The following IGSF10 variants were observed in gnomAD, a reference collection of about 807,000 sequenced individuals.
IGSF10 encodes immunoglobulin superfamily member 10, also known as calvaria mechanical force protein 608.
IGSF10 carries 126 observed loss-of-function variants against 128.2 expected under a neutral mutation model. That is an observed-to-expected ratio of 0.98 (90% CI 0.85 to 1.14). The LOEUF (loss-of-function observed/expected upper bound fraction) is 1.14. IGSF10 is among the 50% of genes most tolerant of loss of function. IGSF10 has a pLI of 0.00. For missense variants in IGSF10, 3,295 were observed against 3,149.8 expected (o/e 1.05, Z -1.10); for synonymous variants, 1,185 against 1,146.2 (o/e 1.03, Z -0.68).
At chr3:151,560,709 C>CA in the IGSF10 span, among the ~76,000 whole-genome samples, 31 of 151,430 alleles carry the variant, frequency 2.0e-4, no homozygotes, top group Middle Eastern at 3.4e-3. Context: ...ATAGCCCCCC[C>CA]CTCCGTCCCA....
At chr3:151,527,214 A>T in the IGSF10 span, among the ~76,000 whole-genome samples, 15 of 152,328 alleles carry the variant, frequency 9.8e-5, no homozygotes, top group African/African-American at 2.6e-4. Context: ...TCTGGAAAAT[A>T]GGAAGATTTT....
the IGSF10 span, among the ~76,000 whole-genome samples, chr3:151,527,261 C>T: frequency 2.6e-5 from 4 of 152,166 alleles, no homozygotes; most frequent in East Asian, 3.9e-4. Context: ...ACCACACCAG[C>T]GGGAGCTGGA....
chr3:151,501,033 C>T, the IGSF10 span, among the ~76,000 whole-genome samples: 1 of 151,900 alleles, frequency 6.6e-6, no homozygotes, highest in Admixed American at 6.6e-5. Context: ...TGAAGAGGGA[C>T]AACTCAAAAA....
At chr3:151,581,344 C>T in the IGSF10 span, among the ~76,000 whole-genome samples, 3 of 152,194 alleles carry the variant, frequency 2.0e-5, no homozygotes, top group African/African-American at 7.2e-5. Flanking sequence ...TTATAACCTG[C>T]AGTGATCTTG....
At chr3:151,466,866 A>G in the IGSF10 span, among the ~76,000 whole-genome samples, 2 of 152,208 alleles carry the variant, frequency 1.3e-5, no homozygotes, top group Non-Finnish European at 2.9e-5. Flanking sequence ...GTAGTGAGCC[A>G]TTATGCCTGG....
chr3:151,555,126 C>T, the IGSF10 span, among the ~76,000 whole-genome samples: 1 of 152,100 alleles, frequency 6.6e-6, no homozygotes, highest in Non-Finnish European at 1.5e-5. Flanking sequence ...ACTGCCATAG[C>T]AAACTGGAAA....
At chr3:151,461,108 G>C (rs945123546), upstream of IGSF10, 4 of 985,296 alleles carry the variant, frequency 4.1e-6, no homozygotes, top group Non-Finnish European at 4.8e-6. Flanking sequence ...TGTGTCTGGG[G>C]ACGCGGCCGG....
chr3:151,561,416 A>T, the IGSF10 span, among the ~76,000 whole-genome samples: 1 of 152,170 alleles, frequency 6.6e-6, no homozygotes, highest in African/African-American at 2.4e-5. Context: ...GAATCCCTAG[A>T]AAACCAAATA....
the IGSF10 span, among the ~76,000 whole-genome samples, chr3:151,558,006 A>ATATATAT: frequency 4.3e-3 from 115 of 26,626 alleles, 6 homozygotes; most frequent in Admixed American, 0.017. Context: ...AGTATATATA[A>ATATATAT]TATATATATA....
the IGSF10 span, among the ~76,000 whole-genome samples, chr3:151,500,185 A>G: frequency 1.1e-4 from 17 of 151,996 alleles, no homozygotes; most frequent in South Asian, 3.3e-3. Flanking sequence ...CTGCAGTCAA[A>G]TAAAAAATGT....
the IGSF10 span, among the ~76,000 whole-genome samples, chr3:151,526,107 C>T: frequency 6.6e-6 from 1 of 152,204 alleles, no homozygotes; most frequent in Middle Eastern, 3.2e-3. Flanking sequence ...TAGCACATAA[C>T]CATGATACTT....
At chr3:151,466,882 C>T in the IGSF10 span, among the ~76,000 whole-genome samples, 10 of 152,152 alleles carry the variant, frequency 6.6e-5, no homozygotes, top group Admixed American at 3.9e-4. Flanking sequence ...CCTGGCTCAA[C>T]GTGTGCATTT....
At position 151,437,959 on chromosome 3, in the gene IGSF10, T is replaced by A; in HGVS notation, c.6602A>T (p.Asn2201Ile). 4.3e-6 allele frequency: 7 copies of A among 1,614,226 alleles called. No homozygotes were observed. Among genetic ancestry groups the A allele is most frequent in the Non-Finnish European group, 5.9e-6 (7 of 1,180,040 alleles). Reference protein sequence around the residue: ...TFHANGSLTINKVKLLDSGEY... With the variant: ...TFHANGSLTIIKVKLLDSGEY... ...TCCAGAATCGAGCAGTTTCACTTTG[T>A]TGATGGTCAAAGACCCATTGGCATG... is the stretch of plus-strand genomic sequence containing the variant. Residue 2201 changes from asparagine to isoleucine, a missense_variant, in exon 8 of 8, where the codon AAC (asparagine) becomes ATC (isoleucine). By Grantham distance (149) the Asn-to-Ile change is moderately radical. Transcript: ENST00000282466.
the IGSF10 span, among the ~76,000 whole-genome samples, chr3:151,536,731 T>A: frequency 6.6e-6 from 1 of 152,230 alleles, no homozygotes; most frequent in Admixed American, 6.5e-5. Context: ...TCTTTACTTT[T>A]CCCCTTAAAG....
At chr3:151,566,497 G>A in the IGSF10 span, among the ~76,000 whole-genome samples, 5 of 152,182 alleles carry the variant, frequency 3.3e-5, no homozygotes, top group Non-Finnish European at 7.4e-5. Context: ...CAACCCATGT[G>A]TTGTCCCTGC....
At chr3:151,591,260 A>G in the IGSF10 span, among the ~76,000 whole-genome samples, 1 of 151,714 alleles carries the variant, frequency 6.6e-6, no homozygotes, top group Non-Finnish European at 1.5e-5. Flanking sequence ...GTGGGAAAAC[A>G]TTAATTCTGC....
chr3:151,587,721 G>C, the IGSF10 span, among the ~76,000 whole-genome samples: 2 of 152,180 alleles, frequency 1.3e-5, no homozygotes, highest in Non-Finnish European at 2.9e-5. Context: ...TGTCATGGGA[G>C]TAACCCAGTG....
Position 151,449,337 on chromosome 3 carries a change from A to G in IGSF10, c.716-72T>C, listed in dbSNP as rs1721399163. The G allele has an allele frequency of 3.6e-6, 5 of 1,376,916 alleles. No homozygotes were observed. The East Asian group carries it at 1.2e-4, about 32-fold the overall frequency. The allele number at this position is 1,376,916 out of a possible 1,614,324, so 85.3% of individuals were successfully genotyped here. A position where few individuals can be genotyped will look rare whatever the true frequency, so the allele number is the denominator to read the frequency against. On this transcript the variant is annotated intron_variant, in intron 5 of 7. Coordinates refer to ENST00000282466, the MANE Select transcript of IGSF10 (RefSeq NM_178822.5). The stretch of plus-strand genomic sequence containing the variant: ...ATTGACACAAACATTTTGAAGAAAT[A>G]GCTTTTGCTAGAAGCTGAAACAATT...
chr3:151,439,563 G>A (rs772582503), intron 7 of IGSF10, among the ~76,000 whole-genome samples: 2 of 150,132 alleles, frequency 1.3e-5, no homozygotes, highest in Non-Finnish European at 3.0e-5. Flanking sequence ...GCAGTGAGCC[G>A]AGATCACACC....
Sources: allele counts gnomAD v4.1 joint callset (sites outside exome capture counted in the v4.1 genomes callset), GRCh38; gene constraint gnomAD v4.1.1; transcripts MANE v1.5; gene names NCBI Gene and HGNC (gene_info 2026-07-23, HGNC 2026-07-21).